Variants in CUX2 observed in about 807,000 individuals in gnomAD.
CUX2 encodes the protein cut like homeobox 2.
Under a neutral mutation model 144.8 loss-of-function variants are expected in CUX2, and 40 were observed. That is an observed-to-expected ratio of 0.28 (90% confidence interval 0.21 to 0.36). CUX2 has a LOEUF of 0.36. Among genes scored for constraint, CUX2 ranks in the 10% least tolerant of loss-of-function variants. CUX2 has a pLI of 1.00. For missense variants in CUX2, 1,615 were observed against 1,994.0 expected, an observed-to-expected ratio of 0.81 and a Z score of 3.62; for synonymous variants, 827 against 875.6, an observed-to-expected ratio of 0.94 and a Z score of 0.98.
intron 3 of CUX2, among the ~76,000 whole-genome samples, chr12:111,239,785 G>T (rs947954832): frequency 1.3e-5 from 2 of 152,180 alleles, no homozygotes; most frequent in African/African-American, 2.4e-5. Context: ...GGCTACCTGG[G>T]CCATCAGGAG....
chr12:111,305,150 C>G (rs1886511393), intron 10 of CUX2, among the ~76,000 whole-genome samples: 1 of 152,190 alleles, frequency 6.6e-6, no homozygotes, highest in Non-Finnish European at 1.5e-5. Flanking sequence ...CCCTTCTGTC[C>G]TATATTAGCA....
intron 1 of CUX2, among the ~76,000 whole-genome samples, chr12:111,162,325 G>T (rs1301238921): frequency 6.6e-6 from 1 of 152,224 alleles, no homozygotes; most frequent in Non-Finnish European, 1.5e-5. Flanking sequence ...TTCGTCCTTG[G>T]AGCTGTGGGC....
chr12:111,226,610 T>A (rs1317196268), intron 3 of CUX2, among the ~76,000 whole-genome samples: 2 of 152,236 alleles, frequency 1.3e-5, no homozygotes, highest in Non-Finnish European at 2.9e-5. Context: ...CTGATTTTTT[T>A]AATCTTGGAG....
At chr12:111,145,614 T>C (rs1316544925) in intron 1 of CUX2, among the ~76,000 whole-genome samples, 2 of 152,100 alleles carry the variant, frequency 1.3e-5, no homozygotes, top group African/African-American at 4.8e-5. Flanking sequence ...GTCTTCCTCC[T>C]GCCTCAGCCT....
intron 17 of CUX2, among the ~76,000 whole-genome samples, chr12:111,321,291 AC>A (rs1266841800): frequency 1.3e-5 from 2 of 152,098 alleles, no homozygotes; most frequent in Non-Finnish European, 2.9e-5. Context: ...ACATGGTGAA[AC>A]CCCATCTCTA....
intron 1 of CUX2, among the ~76,000 whole-genome samples, chr12:111,189,287 A>G (rs112333070): frequency 0.011 from 1,622 of 152,226 alleles, 40 homozygotes; most frequent in African/African-American, 0.038. Context: ...GAAAAAAGAA[A>G]CAGAACATTC....
At chr12:111,336,699 C>T (rs1363562959) in intron 19 of CUX2, among the ~76,000 whole-genome samples, 2 of 151,980 alleles carry the variant, frequency 1.3e-5, no homozygotes, top group African/African-American at 4.8e-5. Flanking sequence ...CCTCCCGCCT[C>T]ATCCTCCCAA....
chr12:111,073,107 A>G (rs2136032366), intron 1 of CUX2, among the ~76,000 whole-genome samples: 1 of 152,294 alleles, frequency 6.6e-6, no homozygotes, highest in Non-Finnish European at 1.5e-5. Context: ...GAACATACTC[A>G]TGGAATTTCC....
chr12:111,140,660 G>A (rs1281828104), intron 1 of CUX2, among the ~76,000 whole-genome samples: 2 of 152,190 alleles, frequency 1.3e-5, no homozygotes, highest in African/African-American at 2.4e-5. Flanking sequence ...GCCGTGGTCC[G>A]AAGCTAAGGG....
intron 19 of CUX2, among the ~76,000 whole-genome samples, chr12:111,337,216 G>C (rs1364265890): frequency 1.3e-5 from 2 of 151,790 alleles, no homozygotes; most frequent in Admixed American, 6.6e-5. Context: ...AGCCAGGTGT[G>C]GTGGCTTAAG....
At chr12:111,107,201 T>G (rs1007334199) in intron 1 of CUX2, among the ~76,000 whole-genome samples, 1 of 152,214 alleles carries the variant, frequency 6.6e-6, no homozygotes, top group Non-Finnish European at 1.5e-5. Context: ...CAGTGGGCCA[T>G]GTCCCTTTGA....
At chr12:111,134,946 A>G (rs1875763554) in intron 1 of CUX2, among the ~76,000 whole-genome samples, 1 of 152,162 alleles carries the variant, frequency 6.6e-6, no homozygotes, top group African/African-American at 2.4e-5. Flanking sequence ...ATGTCTGGAG[A>G]GTAGGGCAAG....
At chr12:111,298,679 GCTT>G in intron 9 of CUX2, 90 bp downstream of exon 9, 1 of 1,271,460 alleles carries the variant, frequency 7.9e-7, no homozygotes, top group Admixed American at 2.0e-5. Flanking sequence ...AAGGGACTGA[GCTT>G]CATCAATATT....
At chr12:111,316,730 G>A (rs886934646) in intron 16 of CUX2, among the ~76,000 whole-genome samples, 1 of 151,734 alleles carries the variant, frequency 6.6e-6, no homozygotes, top group African/African-American at 2.4e-5. Context: ...GATTACAGAC[G>A]TGAACCACCA....
chr12:111,237,119 A>G (rs1882794274), intron 3 of CUX2, among the ~76,000 whole-genome samples: 1 of 152,234 alleles, frequency 6.6e-6, no homozygotes, highest in East Asian at 1.9e-4. Flanking sequence ...ATTGCACTCC[A>G]GCCCGGGTGA....
chr12:111,180,633 G>A (rs1879106836), intron 1 of CUX2, among the ~76,000 whole-genome samples: 1 of 152,216 alleles, frequency 6.6e-6, no homozygotes, highest in Non-Finnish European at 1.5e-5. Context: ...CAGTCTGATA[G>A]GAACAAAGGG....
rs899174864 is a variant in CUX2 at position 111,307,323 on chromosome 12, G to T, written c.1109+66G>T. ...TCCCTGGCCAGGAGCTCTTGGCAAA[G>T]TTCATCATCTTCCTCCCTCCTACTA... On this transcript the variant is annotated intron_variant, in intron 12 of 21. Coordinates refer to ENST00000261726, the MANE Select transcript of CUX2 (RefSeq NM_015267.4). This position sits in a 1 kb window ranked among gnomAD's most constrained non-coding sequence, Gnocchi z 4.1. 8.4e-6 allele frequency: 12 copies of T among 1,426,808 alleles called. No individual in the cohort carries two copies. Among genetic ancestry groups the T allele is most frequent in the African/African-American group, 1.4e-5 (1 of 71,056 alleles). The allele number at this position is 1,426,808 out of a possible 1,614,324, so 88.4% of individuals were successfully genotyped here.
Position 111,057,100 on chromosome 12 carries a change from T to G in CUX2, c.63+22860T>G. On this transcript the variant is annotated intron_variant, in intron 1 of 21. Transcript: ENST00000261726. The surrounding 1 kb of genome is among the most constrained non-coding windows in gnomAD (Gnocchi z 5.1). ...TGACAGGAAGTGGCCAAGTAGGGAGTGAGTGTGACAGAAAATGGCCAAGCT... is the reference window on the plus strand; with the variant it reads ...TGACAGGAAGTGGCCAAGTAGGGAGGGAGTGTGACAGAAAATGGCCAAGCT... Among the ~76,000 whole-genome samples, 1 of 147,796 alleles carries G rather than the reference T, an allele frequency of 6.8e-6. No homozygotes were observed. Among genetic ancestry groups the G allele is most frequent in the Non-Finnish European group, 1.5e-5 (1 of 67,076 alleles).
At position 111,057,627 on chromosome 12, in the gene CUX2, A is replaced by T. The variant is rs1870589770; in HGVS notation, c.63+23387A>T. Among the ~76,000 whole-genome samples, 2 of 151,824 alleles carry T rather than the reference A, an allele frequency of 1.3e-5. No homozygotes were observed. Among genetic ancestry groups the T allele is most frequent in the Non-Finnish European group, 1.5e-5 (1 of 67,966 alleles). ...TCTTCCTGTGGGCCCCTCGCTCCCC[A>T]CTTCTGCCAGCAGCCTCCCCTTCTG... On this transcript the variant is annotated intron_variant, in intron 1 of 21. Transcript: ENST00000261726. The surrounding 1 kb of genome is among the most constrained non-coding windows in gnomAD (Gnocchi z 5.1).
Sources: allele counts gnomAD v4.1 joint callset (sites outside exome capture counted in the v4.1 genomes callset), GRCh38; gene constraint gnomAD v4.1.1; non-coding constraint Gnocchi (gnomAD v3.1); transcripts MANE v1.5; gene names NCBI Gene and HGNC (gene_info 2026-07-23, HGNC 2026-07-21).